TMPRSS6: variants seen among roughly 807,000 people sequenced by gnomAD.
TMPRSS6 encodes the protein transmembrane protease serine 6.
Under a neutral mutation model 101.5 loss-of-function variants are expected in TMPRSS6, and 67 were observed. The observed-to-expected ratio is 0.66, with a 90% CI of 0.54 to 0.81. TMPRSS6 has a LOEUF of 0.81. TMPRSS6 is among the 30% of genes least tolerant of loss of function. The pLI is 0.00. For synonymous variants in TMPRSS6, 453 were observed against 464.9 expected, an observed-to-expected ratio of 0.97 and a Z score of 0.33; for missense variants, 1,034 against 1,088.7, an observed-to-expected ratio of 0.95 and a Z score of 0.71.
chr22:37,099,740 G>C (rs1465799952), intron 2 of TMPRSS6, among the ~76,000 whole-genome samples: 1 of 152,198 alleles, frequency 6.6e-6, no homozygotes, highest in Non-Finnish European at 1.5e-5. Flanking sequence ...ATGGAGGTCA[G>C]GGAAGAAGGT....
intron 16 of TMPRSS6, among the ~76,000 whole-genome samples, chr22:37,067,890 A>AC (rs1926479586): frequency 6.6e-6 from 1 of 151,968 alleles, no homozygotes; most frequent in Non-Finnish European, 1.5e-5. Flanking sequence ...CTCCTCGCCC[A>AC]GGCACGCCTG....
chr22:37,099,368 G>A (rs1930100098), intron 2 of TMPRSS6, among the ~76,000 whole-genome samples: 1 of 152,188 alleles, frequency 6.6e-6, no homozygotes, highest in African/African-American at 2.4e-5. Context: ...GCAGGGCAGG[G>A]CCCATTGGGT....
At chr22:37,096,340 G>A (rs530210488) in intron 4 of TMPRSS6, among the ~76,000 whole-genome samples, 2 of 152,310 alleles carry the variant, frequency 1.3e-5, no homozygotes, top group African/African-American at 4.8e-5. Flanking sequence ...AGATGTGGAC[G>A]GGGCAGTCGG....
At chr22:37,099,877 G>GTAGGGCTTTTCAGGCCTGGGAGGAC (rs1569025320) in intron 2 of TMPRSS6, among the ~76,000 whole-genome samples, 1 of 151,824 alleles carries the variant, frequency 6.6e-6, no homozygotes, top group African/African-American at 2.4e-5. Context: ...GAGAGGCTGG[G>GTAGGGCTTTTCAGGCCTGGGAGGAC]TAGGGCTTTC....
intron 10 of TMPRSS6, among the ~76,000 whole-genome samples, chr22:37,081,855 T>C (rs950928800): frequency 2.6e-5 from 4 of 152,228 alleles, no homozygotes; most frequent in Non-Finnish European, 5.9e-5. Context: ...ACACATTCTA[T>C]AGCTCAGTGG....
intron 6 of TMPRSS6, among the ~76,000 whole-genome samples, chr22:37,093,116 G>A (rs983094320): frequency 2.0e-5 from 3 of 152,142 alleles, no homozygotes; most frequent in Admixed American, 2.0e-4. Flanking sequence ...TCATAAAGTC[G>A]ACTTCAAGGA....
At position 37,095,989 on chromosome 22, in the gene TMPRSS6, T is replaced by C. The variant is rs1227235301; in HGVS notation, c.506A>G (p.Glu169Gly). Residue 169 changes from glutamate (E) to glycine (G), a missense_variant, in exon 5 of 18, where the codon GAG (glutamate) becomes GGG (glycine). Physicochemically the swap from Glu to Gly is moderately conservative, Grantham distance 98. Transcript: ENST00000676104. ...PEVVQALLVE[E>G]LLSTVNSSAA... Reference sequence around the variant, plus strand: ...CGAGCTGTTGACTGTGGACAGCAGCTCCTCCACCAGCAGTGCCTGCACCAC... The same window carrying C: ...CGAGCTGTTGACTGTGGACAGCAGCCCCTCCACCAGCAGTGCCTGCACCAC... The C allele has an allele frequency of 6.2e-7, 1 of 1,614,008 alleles. No individual in the cohort carries two copies. The highest frequency in any genetic ancestry group is 1.3e-5 in the African/African-American group (1 of 74,916).
Position 37,066,016 on chromosome 22 carries a change from T to A in TMPRSS6, c.*64A>T. 6.3e-7 allele frequency: 1 copy of A among 1,596,372 alleles called. No homozygotes were observed. Among genetic ancestry groups the A allele is most frequent in the Admixed American group, 1.7e-5 (1 of 59,882 alleles). ...CCCGCCAGAATACTTGTCCCCCTGC[T>A]TGGCAGTTGCCCTGGGCTCTCTGAG... On this transcript the variant is annotated 3_prime_UTR_variant, in exon 18 of 18. Coordinates refer to ENST00000676104, the MANE Select transcript of TMPRSS6 (RefSeq NM_001374504.1).
rs763173149 is a variant in TMPRSS6 at position 37,101,537 on chromosome 22, C to T, written c.202+1679G>A. 1.3e-5 allele frequency among the ~76,000 whole-genome samples: 2 copies of T among 152,082 alleles called. No homozygotes were observed. Among genetic ancestry groups the T allele is most frequent in the East Asian group, 3.9e-4 (2 of 5,174 alleles). On this transcript the variant is annotated intron_variant, in intron 2 of 17. Coordinates refer to ENST00000676104, the MANE Select transcript of TMPRSS6 (RefSeq NM_001374504.1). The surrounding 1 kb of genome is among the most constrained non-coding windows in gnomAD (Gnocchi z 4.1). ...GACAGGGCAGGGCGTGTCTCTGATC[C>T]ACTTCCTTGCCCAGCGCCCAGTCCC...
At chr22:37,085,069 C>G (rs965862289) in intron 8 of TMPRSS6, among the ~76,000 whole-genome samples, 1 of 152,158 alleles carries the variant, frequency 6.6e-6, no homozygotes, top group African/African-American at 2.4e-5. Flanking sequence ...ATTCAAACAG[C>G]CTGGCATGTA....
At chr22:37,089,554 C>CCCCCCAACA in intron 7 of TMPRSS6, 24 bp downstream of exon 7, 1 of 1,443,408 alleles carries the variant, frequency 6.9e-7, no homozygotes, top group Non-Finnish European at 9.6e-7. Flanking sequence ...GCCCTCCCTC[C>CCCCCCAACA]TGCCCTCCTT....
rs1281977962 is a variant in TMPRSS6, at chr22:37,069,429, C to G, written c.1842-85G>C. The G allele has an allele frequency of 1.4e-5, 18 of 1,327,534 alleles. No individual in the cohort carries two copies. Among genetic ancestry groups the G allele is most frequent in the Non-Finnish European group, 1.6e-5 (16 of 973,122 alleles). The allele number at this position is 1,327,534 out of a possible 1,614,324, so 82.2% of individuals were successfully genotyped here. A position where few individuals can be genotyped will look rare whatever the true frequency, so the allele number is the denominator to read the frequency against. On this transcript the variant is annotated intron_variant, in intron 15 of 17. Coordinates refer to ENST00000676104, the MANE Select transcript of TMPRSS6 (RefSeq NM_001374504.1). The surrounding 1 kb of genome is among the most constrained non-coding windows in gnomAD (Gnocchi z 4.8). The stretch of plus-strand genomic sequence containing the variant: ...CCCCATCCAGGGACCCTCAAGATAG[C>G]CAGATCCCCGCCCGGGACAGTGCCC...
Position 37,075,178 on chromosome 22 carries a change from C to A in TMPRSS6, c.1299G>T (p.Gly433=), listed in dbSNP as rs1410556759. ...INFTSQISLT[G]PGVRVHYGLY... is the part of the protein sequence containing the mutation. ...AGCCATAGTGCACCCGCACACCGGG[C>A]CCGGTGAGGGAGATCTGGGAGGTGA... Residue 433 remains glycine, a synonymous_variant, in exon 11 of 18, where the codon GGG becomes GGT. Transcript: ENST00000676104. 2 of 1,614,080 alleles carry A rather than the reference C, an allele frequency of 1.2e-6. No individual in the cohort carries two copies. Among genetic ancestry groups the A allele is most frequent in the Non-Finnish European group, 1.7e-6 (2 of 1,180,046 alleles).
At chr22:37,079,415 C>CATGGATGG (rs10537993) in intron 10 of TMPRSS6, among the ~76,000 whole-genome samples, 5 of 151,090 alleles carry the variant, frequency 3.3e-5, no homozygotes, top group African/African-American at 7.3e-5. Flanking sequence ...GGGATAGATG[C>CATGGATGG]ATGGATGGAT....
At chr22:37,074,325 A>G (rs1927414600) in intron 12 of TMPRSS6, among the ~76,000 whole-genome samples, 1 of 152,174 alleles carries the variant, frequency 6.6e-6, no homozygotes, top group Non-Finnish European at 1.5e-5. Context: ...TCCTTCCTGG[A>G]AGGCTGGCTG....
intron 10 of TMPRSS6, among the ~76,000 whole-genome samples, chr22:37,077,643 A>T (rs958489778): frequency 6.6e-6 from 1 of 152,228 alleles, no homozygotes; most frequent in African/African-American, 2.4e-5. Context: ...CCAGTTGTTA[A>T]AGAAATGTAC....
chr22:37,089,788 G>A lies in TMPRSS6; in HGVS notation c.632-6C>T. 1 of 1,610,576 alleles carries A rather than the reference G, an allele frequency of 6.2e-7. No individual in the cohort carries two copies. The highest frequency in any genetic ancestry group is 8.5e-7 in the Non-Finnish European group (1 of 1,179,160). ...GTAGCTGTAGCGGTAACAACCTGGA[G>A]CGGGGAGAGGGGCACAGCCCCTGAT... On this transcript the variant is annotated splice_polypyrimidine_tract_variant and splice_region_variant and intron_variant, in intron 6 of 17. Coordinates refer to ENST00000676104, the MANE Select transcript of TMPRSS6 (RefSeq NM_001374504.1).
chr22:37,066,279 G>A, intron 17 of TMPRSS6, 41 bp from the exon 18 acceptor site: 1 of 1,558,080 alleles, frequency 6.4e-7, no homozygotes, highest in Non-Finnish European at 8.7e-7. Context: ...CAGGGTAAGG[G>A]CACCCCCTTT....
intron 10 of TMPRSS6, 70 bp downstream of exon 10, chr22:37,084,225 C>T (rs756208177): frequency 4.6e-6 from 6 of 1,312,526 alleles, no homozygotes; most frequent in Non-Finnish European, 6.5e-6. Flanking sequence ...ATGAGGGGGT[C>T]ACTATTGAGG....
Sources: allele counts gnomAD v4.1 joint callset (sites outside exome capture counted in the v4.1 genomes callset), GRCh38; gene constraint gnomAD v4.1.1; non-coding constraint Gnocchi (gnomAD v3.1); transcripts MANE v1.5; gene names NCBI Gene and HGNC (gene_info 2026-07-23, HGNC 2026-07-21).